The following PPFIA1 variants were observed in gnomAD, a reference collection of about 807,000 sequenced individuals.
The protein encoded by PPFIA1 is PPFI scaffold protein A1.
Under a neutral mutation model 149.9 loss-of-function variants are expected in PPFIA1, and 25 were observed. The ratio of observed to expected loss-of-function variants is 0.17; its 90% CI spans 0.12 to 0.23. The LOEUF is 0.23. PPFIA1 is among the 10% of genes least tolerant of loss of function. PPFIA1 has a pLI of 1.00. For synonymous variants in PPFIA1, 549 were observed against 552.8 expected, an observed-to-expected ratio of 0.99 and a Z score of 0.10; for missense variants, 1,362 against 1,506.5, an observed-to-expected ratio of 0.90 and a Z score of 1.59.
At position 70,335,602 on chromosome 11, in the gene PPFIA1, C is replaced by T. The variant is rs753068055; in HGVS notation, c.1336C>T (p.Arg446Cys). ...REKMNEEHNK[R>C]LSDTVDKLLS... ...AAAAATGAACGAAGAACATAATAAACGTTTATCAGACACTGTTGACAAGCT... is the reference window on the plus strand; with the variant it reads ...AAAAATGAACGAAGAACATAATAAATGTTTATCAGACACTGTTGACAAGCT... Residue 446 changes from arginine (R) to cysteine (C), a missense_variant, in exon 11 of 28, where the codon CGT becomes TGT. Physicochemically the swap from Arg to Cys is radical, Grantham distance 180 (BLOSUM62 -3). Transcript: ENST00000253925. 5.0e-6 allele frequency: 8 copies of T among 1,613,926 alleles called. No individual in the cohort carries two copies. The highest frequency in any genetic ancestry group is 2.2e-5 in the South Asian group (2 of 91,076).
intron 26 of PPFIA1, chr11:70,378,531 G>T (rs774269771): frequency 2.2e-6 from 2 of 920,584 alleles, no homozygotes; most frequent in Non-Finnish European, 2.6e-6. Context: ...GCTCTTTCAG[G>T]AAATAGTAGT....
At chr11:70,328,656 C>T (rs1282230425) in intron 7 of PPFIA1, among the ~76,000 whole-genome samples, 1 of 152,076 alleles carries the variant, frequency 6.6e-6, no homozygotes, top group Non-Finnish European at 1.5e-5. Flanking sequence ...TCCACACTGT[C>T]TTCCACGATG....
At chr11:70,379,984 C>G (rs1391525917) in intron 26 of PPFIA1, among the ~76,000 whole-genome samples, 1 of 152,228 alleles carries the variant, frequency 6.6e-6, no homozygotes, top group Non-Finnish European at 1.5e-5. Context: ...AGCTCAAGCT[C>G]TGTCACCTGG....
intron 11 of PPFIA1, among the ~76,000 whole-genome samples, chr11:70,336,793 C>CAGT (rs1217929271): frequency 6.6e-6 from 1 of 152,212 alleles, no homozygotes; most frequent in African/African-American, 2.4e-5. Context: ...CCTGACTGTG[C>CAGT]AGTGTCCCTA....
intron 2 of PPFIA1, among the ~76,000 whole-genome samples, chr11:70,276,256 G>A (rs921879356): frequency 1.3e-5 from 2 of 150,600 alleles, no homozygotes; most frequent in African/African-American, 4.9e-5. Context: ...ATAGACGCAC[G>A]CCACTGCGCC....
chr11:70,277,060 A>ATATATATATTTT, intron 2 of PPFIA1, among the ~76,000 whole-genome samples: 13 of 66,306 alleles, frequency 2.0e-4, no homozygotes, highest in African/African-American at 1.4e-3. Context: ...ATATATATAT[A>ATATATATATTTT]TTTTTTTTTT....
At chr11:70,283,569 G>A (rs2050906439) in intron 2 of PPFIA1, among the ~76,000 whole-genome samples, 2 of 152,206 alleles carry the variant, frequency 1.3e-5, no homozygotes, top group Admixed American at 1.3e-4. Flanking sequence ...AGGTGTGCTG[G>A]ATGGATTGAG....
intron 27 of PPFIA1, among the ~76,000 whole-genome samples, chr11:70,382,505 C>T (rs1013702392): frequency 6.6e-5 from 10 of 152,084 alleles, no homozygotes; most frequent in African/African-American, 2.4e-4. Flanking sequence ...GTCTCTCCTC[C>T]TGACGTCGTT....
rs576049146 is a variant in PPFIA1 at position 70,344,042 on chromosome 11, A to G, written c.1931+150A>G. 96 of 819,718 alleles carry G rather than the reference A, an allele frequency of 1.2e-4. No individual in the cohort carries two copies. The East Asian group carries it at 2.5e-3, about 22-fold the overall frequency. 50.8% of individuals were successfully genotyped at this position (819,718 alleles called of 1,614,324 possible). A position where few individuals can be genotyped will look rare whatever the true frequency, so the allele number is the denominator to read the frequency against. On this transcript the variant is annotated intron_variant, in intron 15 of 27. Coordinates refer to ENST00000253925, the MANE Select transcript of PPFIA1 (RefSeq NM_003626.5). ...ACTTAACTTCTGTTTTAAGAATTTT[A>G]AGGTCTGAAATTGCCCTTGAATATA...
chr11:70,351,998 A>G (rs2056082220), intron 16 of PPFIA1, among the ~76,000 whole-genome samples: 1 of 152,066 alleles, frequency 6.6e-6, no homozygotes, highest in Non-Finnish European at 1.5e-5. Flanking sequence ...GTTGACCCCA[A>G]ATCTCTCCCT....
At chr11:70,347,408 A>C (rs1234538797) in intron 15 of PPFIA1, among the ~76,000 whole-genome samples, 1 of 152,220 alleles carries the variant, frequency 6.6e-6, no homozygotes, top group African/African-American at 2.4e-5. Context: ...AGTATATTAA[A>C]AAAGATTGAG....
chr11:70,364,758 G>GTT (rs2056832164), intron 21 of PPFIA1: 1 of 152,164 alleles, frequency 6.6e-6, no homozygotes, highest in Non-Finnish European at 1.5e-5. Flanking sequence ...TTTCTCCCAT[G>GTT]TTTATCCACT....
chr11:70,360,161 C>T (rs150134761), intron 19 of PPFIA1, among the ~76,000 whole-genome samples: 100 of 152,386 alleles, frequency 6.6e-4, no homozygotes, highest in African/African-American at 2.4e-3. Flanking sequence ...CGTCTACCTC[C>T]ACTGTCTTAA....
chr11:70,380,625 C>G (rs763433633), intron 26 of PPFIA1, among the ~76,000 whole-genome samples: 11 of 150,920 alleles, frequency 7.3e-5, no homozygotes, highest in Non-Finnish European at 1.3e-4. Context: ...ATCCCAGCTA[C>G]TTAGGAGGCT....
At chr11:70,334,957 A>G (rs140957982) in intron 10 of PPFIA1, among the ~76,000 whole-genome samples, 2 of 152,312 alleles carry the variant, frequency 1.3e-5, no homozygotes, top group African/African-American at 4.8e-5. Flanking sequence ...TAAACCATGA[A>G]TTTGATTATG....
intron 21 of PPFIA1, chr11:70,371,209 A>T (rs2057219966): frequency 7.0e-6 from 1 of 143,822 alleles, no homozygotes; most frequent in African/African-American, 2.6e-5. Context: ...ATAGCTTTTT[A>T]TTATTGATTT....
intron 19 of PPFIA1, among the ~76,000 whole-genome samples, chr11:70,356,866 C>T (rs942635334): frequency 6.6e-6 from 1 of 152,178 alleles, no homozygotes; most frequent in Admixed American, 6.6e-5. Context: ...ATTTTATAGC[C>T]CGTTTATTCA....
intron 2 of PPFIA1, among the ~76,000 whole-genome samples, chr11:70,277,037 GA>G (rs2050424214): frequency 6.3e-5 from 5 of 79,208 alleles, no homozygotes; most frequent in African/African-American, 4.5e-4. Context: ...GTTTGATTGA[GA>G]TATATATATA....
At chr11:70,304,349 T>A (rs1236048766) in intron 2 of PPFIA1, among the ~76,000 whole-genome samples, 1 of 151,784 alleles carries the variant, frequency 6.6e-6, no homozygotes, top group South Asian at 2.1e-4. Context: ...AAAAAAAAAA[T>A]TAGAGATGGG....
Sources: allele counts gnomAD v4.1 joint callset (sites outside exome capture counted in the v4.1 genomes callset), GRCh38; gene constraint gnomAD v4.1.1; transcripts MANE v1.5; gene names NCBI Gene and HGNC (gene_info 2026-07-23, HGNC 2026-07-21).